Variants in OTULIN observed in about 807,000 individuals in gnomAD.
The protein encoded by OTULIN is ubiquitin thioesterase otulin.
A neutral mutation model predicts 39.6 loss-of-function variants in OTULIN; 15 were observed. That is an observed-to-expected ratio of 0.38 (90% CI 0.25 to 0.58). OTULIN has a LOEUF of 0.58. Among genes scored for constraint, OTULIN ranks in the 20% least tolerant of loss-of-function variants. OTULIN has a pLI of 0.66. For missense variants in OTULIN, 319 were observed against 445.9 expected (o/e 0.72, Z 2.56); for synonymous variants, 156 against 170.3 (o/e 0.92, Z 0.65).
rs765004912 is a variant in OTULIN, at chr5:14,687,658, G to A, written c.594+12G>A. The stretch of plus-strand genomic sequence containing the variant: ...TGCTGAGGAAGAAGGTTTGGAACCT[G>A]TAGTGTCCTGTCTGATAAGGGTGAA... On this transcript the variant is annotated intron_variant, in intron 5 of 6. Coordinates refer to ENST00000284274, the MANE Select transcript of OTULIN (RefSeq NM_138348.6). 2.5e-6 allele frequency: 4 copies of A among 1,605,222 alleles called. No homozygotes were observed. The highest frequency in any genetic ancestry group is 3.3e-4 in the Middle Eastern group (2 of 6,008).
At position 14,686,081 on chromosome 5, in the gene OTULIN, A is replaced by G. The variant is rs74422313; in HGVS notation, c.469-1440A>G. Among the ~76,000 whole-genome samples, 372 of 152,308 alleles carry G rather than the reference A, an allele frequency of 2.4e-3. 3 individuals carry two copies. Among genetic ancestry groups the G allele is most frequent in the African/African-American group, 8.5e-3 (352 of 41,566 alleles). ...GATGTAGTTCGCCATCACTGTGGTC[A>G]CAGTGAAAAGTAATTTACATCCCAA... On this transcript the variant is annotated intron_variant, in intron 4 of 6. Transcript: ENST00000284274.
At chr5:14,679,069 G>A (rs975303725) in intron 3 of OTULIN, among the ~76,000 whole-genome samples, 2 of 152,148 alleles carry the variant, frequency 1.3e-5, no homozygotes, top group Admixed American at 6.5e-5. Context: ...GGGGCCATTT[G>A]GGAATGTCCT....
Position 14,699,540 on chromosome 5 carries a change from C to T in OTULIN, c.*6492C>T, listed in dbSNP as rs1169101662. ...TTTTTCAGTGTCAGAAATGCACTTT[C>T]TCCCTCTACTTGTCTGAATTACGAT... On this transcript the variant is annotated 3_prime_UTR_variant, in exon 7 of 7. Coordinates refer to ENST00000284274, the MANE Select transcript of OTULIN (RefSeq NM_138348.6). 2 of 152,238 alleles carry T rather than the reference C, an allele frequency of 1.3e-5. No homozygotes were observed. The highest frequency in any genetic ancestry group is 4.8e-5 in the African/African-American group (2 of 41,448). 9.4% of individuals were successfully genotyped at this position (152,238 alleles called of 1,614,324 possible). A position where few individuals can be genotyped will look rare whatever the true frequency, so the allele number is the denominator to read the frequency against.
At chr5:14,668,995 C>T (rs1398878771) in intron 1 of OTULIN, among the ~76,000 whole-genome samples, 3 of 152,126 alleles carry the variant, frequency 2.0e-5, no homozygotes, top group Middle Eastern at 3.4e-3. Context: ...TAGTATGCAA[C>T]GTTATATAGC....
intron 2 of OTULIN, chr5:14,674,247 G>C (rs920524580): frequency 6.5e-6 from 1 of 152,974 alleles, no homozygotes; most frequent in Non-Finnish European, 1.5e-5. Flanking sequence ...CCGGAGTGAG[G>C]TGTTACTCCT....
Position 14,687,533 on chromosome 5 carries a change from C to T in OTULIN, c.481C>T (p.Leu161Phe). ...CTCGATGTTGTAGTTACCAGAAAAACTCATAAGCAAATACAACTGGATCAA... is the reference window on the plus strand; with the variant it reads ...CTCGATGTTGTAGTTACCAGAAAAATTCATAAGCAAATACAACTGGATCAA... ...DPELMLLPEK[L>F]ISKYNWIKQW... The change falls in exon 5 of 7, where the codon CTC becomes TTC. Residue 161 changes from leucine (L) to phenylalanine (F), a missense_variant. By Grantham distance (22) the Leu-to-Phe change is conservative. This residue lies in a region of OTULIN where 54 missense variants were observed against 50.7 expected (regional missense o/e 1.07). Coordinates refer to ENST00000284274, the MANE Select transcript of OTULIN (RefSeq NM_138348.6). 6.2e-7 allele frequency: 1 copy of T among 1,612,912 alleles called. No individual in the cohort carries two copies. The highest frequency in any genetic ancestry group is 1.1e-5 in the South Asian group (1 of 90,760).
At chr5:14,676,695 C>T (rs1265204514) in intron 2 of OTULIN, among the ~76,000 whole-genome samples, 1 of 152,182 alleles carries the variant, frequency 6.6e-6, no homozygotes, top group Non-Finnish European at 1.5e-5. Context: ...GATTTCCTTC[C>T]CAGGAGTCCC....
intron 6 of OTULIN, among the ~76,000 whole-genome samples, chr5:14,691,824 A>G (rs1470067724): frequency 1.3e-5 from 2 of 152,218 alleles, no homozygotes; most frequent in Non-Finnish European, 2.9e-5. Context: ...GACATTTCAT[A>G]TGAATGGAAT....
chr5:14,702,044 G>A (rs573437875), downstream of OTULIN, among the ~76,000 whole-genome samples: 1 of 152,280 alleles, frequency 6.6e-6, no homozygotes, highest in East Asian at 1.9e-4. Flanking sequence ...GGAGGCTTCT[G>A]TAGCATCCAA....
the OTULIN span, among the ~76,000 whole-genome samples, chr5:14,716,416 C>CGGGAGGCAGAGGTTGCA: frequency 6.6e-6 from 1 of 152,044 alleles, no homozygotes; most frequent in Non-Finnish European, 1.5e-5. Context: ...TGCTTGAACC[C>CGGGAGGCAGAGGTTGCA]GGGAGGCAGA....
chr5:14,667,196 G>A (rs1044386754), intron 1 of OTULIN, among the ~76,000 whole-genome samples: 1 of 152,202 alleles, frequency 6.6e-6, no homozygotes, highest in African/African-American at 2.4e-5. Context: ...CCCAACTTCT[G>A]CAGCTGAATT....
rs549831749 is a variant in OTULIN, at chr5:14,696,591, A to G, written c.*3543A>G. On this transcript the variant is annotated 3_prime_UTR_variant, in exon 7 of 7. Transcript: ENST00000284274. ...GTCCAAGGAACTGTAAGAAGGAGGA[A>G]CTAATTCTAGAATAAATGTTAAAAT... is the stretch of plus-strand genomic sequence containing the variant. The G allele has an allele frequency of 2.6e-5, 4 of 152,358 alleles. No homozygotes were observed. The highest frequency in any genetic ancestry group is 6.5e-5 in the Admixed American group (1 of 15,310). The allele number at this position is 152,358 out of a possible 1,614,324, so 9.4% of individuals were successfully genotyped here.
the OTULIN span, among the ~76,000 whole-genome samples, chr5:14,712,621 T>C: frequency 4.6e-5 from 7 of 152,240 alleles, no homozygotes; most frequent in East Asian, 1.9e-4. Context: ...CTGAAATCCA[T>C]GTCCACACCT....
the OTULIN span, chr5:14,713,081 A>G: frequency 8.2e-6 from 9 of 1,092,602 alleles, no homozygotes; most frequent in Non-Finnish European, 1.2e-5. This position sits in a 1 kb window ranked among gnomAD's most constrained non-coding sequence, Gnocchi z 4.4. Context: ...GGCTGAGACC[A>G]GCGGCGTTCT....
At chr5:14,707,785 A>G in the OTULIN span, 2 of 152,202 alleles carry the variant, frequency 1.3e-5, no homozygotes, top group African/African-American at 4.8e-5. Context: ...TCAGTTTCTT[A>G]GGGAATCGGC....
intron 1 of OTULIN, among the ~76,000 whole-genome samples, chr5:14,671,420 T>C (rs1367988555): frequency 1.3e-5 from 2 of 152,200 alleles, no homozygotes; most frequent in Non-Finnish European, 2.9e-5. Context: ...CCCAAAGATA[T>C]ATGCCTCTGA....
intron 3 of OTULIN, among the ~76,000 whole-genome samples, chr5:14,679,126 C>T (rs745991349): frequency 2.6e-5 from 4 of 152,242 alleles, no homozygotes; most frequent in Admixed American, 6.5e-5. Context: ...TGCCTCAGGC[C>T]GATTCCACAC....
chr5:14,679,220 G>A (rs1319927403), intron 3 of OTULIN, among the ~76,000 whole-genome samples: 7 of 152,184 alleles, frequency 4.6e-5, no homozygotes, highest in African/African-American at 1.7e-4. Context: ...CTACACAGGG[G>A]AATCAGGAAC....
chr5:14,684,221 A>G (rs992182560), intron 4 of OTULIN, among the ~76,000 whole-genome samples: 7 of 152,144 alleles, frequency 4.6e-5, no homozygotes, highest in Non-Finnish European at 8.8e-5. Context: ...TGGGTTTGAT[A>G]TTTATGTTTA....
Sources: allele counts gnomAD v4.1 joint callset (sites outside exome capture counted in the v4.1 genomes callset), GRCh38; gene constraint gnomAD v4.1.1; regional missense constraint gnomAD v4.1.1; non-coding constraint Gnocchi (gnomAD v3.1); transcripts MANE v1.5; gene names NCBI Gene and HGNC (gene_info 2026-07-23, HGNC 2026-07-21).